The following DSCAM variants were observed in gnomAD, a reference collection of about 807,000 sequenced individuals.
DSCAM encodes the protein cell adhesion molecule DSCAM.
Under a neutral mutation model 217.7 loss-of-function variants are expected in DSCAM, and 47 were observed. That is an observed-to-expected ratio of 0.22 (90% CI 0.17 to 0.28). The LOEUF (loss-of-function observed/expected upper bound fraction) is 0.28. DSCAM is among the 10% of genes least tolerant of loss of function. The probability of loss-of-function intolerance (pLI) is 1.00; values close to 1 mark genes in which losing one functional copy is unlikely to be tolerated. For synonymous variants in DSCAM, 1,056 were observed against 1,015.3 expected (o/e 1.04, Z -0.76); for missense variants, 2,080 against 2,618.3 (o/e 0.79, Z 4.49).
intron 1 of DSCAM, among the ~76,000 whole-genome samples, chr21:40,783,706 G>T (rs1329816281): frequency 1.3e-5 from 2 of 152,162 alleles, no homozygotes; most frequent in Non-Finnish European, 2.9e-5. Context: ...TGGAACTCTT[G>T]GAAGACGCTT....
At chr21:40,048,690 G>A (rs1255732052) in intron 30 of DSCAM, among the ~76,000 whole-genome samples, 1 of 152,222 alleles carries the variant, frequency 6.6e-6, no homozygotes, top group East Asian at 1.9e-4. Flanking sequence ...GAATCACGAT[G>A]TGTTCTCTAG....
At chr21:40,710,762 A>T (rs1011807672) in intron 1 of DSCAM, among the ~76,000 whole-genome samples, 3 of 152,220 alleles carry the variant, frequency 2.0e-5, no homozygotes, top group African/African-American at 7.2e-5. Context: ...ATGAAGGCCT[A>T]CTTGTCACAC....
intron 8 of DSCAM, among the ~76,000 whole-genome samples, chr21:40,320,021 G>A (rs565832875): frequency 1.3e-5 from 2 of 152,262 alleles, no homozygotes; most frequent in Non-Finnish European, 2.9e-5. Flanking sequence ...GACACAGGGA[G>A]AGGAAGAAAG....
At chr21:40,666,273 C>T (rs1422370042) in intron 3 of DSCAM, among the ~76,000 whole-genome samples, 3 of 152,106 alleles carry the variant, frequency 2.0e-5, no homozygotes, top group Middle Eastern at 3.2e-3. Flanking sequence ...CATGCCCAGC[C>T]CTGAGATGAG....
chr21:40,598,496 T>TC (rs2077038253), intron 3 of DSCAM, among the ~76,000 whole-genome samples: 1 of 122,846 alleles, frequency 8.1e-6, no homozygotes, highest in Non-Finnish European at 1.7e-5. Context: ...ACTGCCAAAC[T>TC]GTTTTTTTTT....
intron 11 of DSCAM, among the ~76,000 whole-genome samples, chr21:40,220,256 T>A (rs1459012045): frequency 6.6e-6 from 1 of 152,172 alleles, no homozygotes; most frequent in African/African-American, 2.4e-5. Flanking sequence ...CAGCTACCTC[T>A]TTCTCCATGA....
intron 3 of DSCAM, among the ~76,000 whole-genome samples, chr21:40,429,860 G>T (rs991720775): frequency 1.3e-5 from 2 of 152,098 alleles, no homozygotes; most frequent in Non-Finnish European, 2.9e-5. Flanking sequence ...ATTCCAGATG[G>T]TGAGATGCAA....
At position 40,213,219 on chromosome 21, in the gene DSCAM, C is replaced by T. The variant is rs549951406; in HGVS notation, c.2357-23981G>A. Reference sequence around the variant, plus strand: ...TCACATTTTTAAACTTCATATTCCACGTTTTGCTTTATTTTGGGTATCAAG... The same window carrying T: ...TCACATTTTTAAACTTCATATTCCATGTTTTGCTTTATTTTGGGTATCAAG... On this transcript the variant is annotated intron_variant, in intron 11 of 32. Transcript: ENST00000400454. Among the ~76,000 whole-genome samples the T allele has an allele frequency of 1.9e-4, 29 of 152,302 alleles. No homozygotes were observed. The East Asian group carries it at 1.9e-3, about 10-fold the overall frequency.
At chr21:40,328,922 C>T (rs973084823) in intron 8 of DSCAM, among the ~76,000 whole-genome samples, 2 of 152,016 alleles carry the variant, frequency 1.3e-5, no homozygotes, top group South Asian at 2.1e-4. Flanking sequence ...TGCTCAACAT[C>T]GCTAATTATC....
intron 3 of DSCAM, among the ~76,000 whole-genome samples, chr21:40,437,170 C>A (rs573676752): frequency 1.3e-5 from 2 of 152,114 alleles, no homozygotes; most frequent in African/African-American, 2.4e-5. Context: ...TGATGGATGA[C>A]CTACAGGCGG....
chr21:40,172,200 C>T (rs1020001536), intron 15 of DSCAM, among the ~76,000 whole-genome samples: 3 of 152,134 alleles, frequency 2.0e-5, no homozygotes, highest in Non-Finnish European at 2.9e-5. Flanking sequence ...ACCCAGGAGG[C>T]GGAGGTTGTA....
At chr21:40,496,574 G>A (rs1330110510) in intron 3 of DSCAM, among the ~76,000 whole-genome samples, 2 of 152,008 alleles carry the variant, frequency 1.3e-5, no homozygotes, top group Non-Finnish European at 2.9e-5. Flanking sequence ...CAGGGGAAAG[G>A]CTCCATAATA....
At chr21:40,537,013 C>T (rs529790117) in intron 3 of DSCAM, among the ~76,000 whole-genome samples, 54 of 152,176 alleles carry the variant, frequency 3.5e-4, no homozygotes, top group African/African-American at 1.1e-3. Context: ...CCAAACTTTC[C>T]GGATGAAAAG....
intron 3 of DSCAM, among the ~76,000 whole-genome samples, chr21:40,561,015 T>C (rs1022990725): frequency 6.6e-6 from 1 of 152,198 alleles, no homozygotes; most frequent in Admixed American, 6.5e-5. Flanking sequence ...TTTATGAGGA[T>C]TACATTAAGT....
chr21:40,635,411 C>G (rs140390884), intron 3 of DSCAM, among the ~76,000 whole-genome samples: 1 of 151,886 alleles, frequency 6.6e-6, no homozygotes. Context: ...AAATTGCTAC[C>G]GAGGTAAAGA....
At chr21:40,309,447 TCTC>T (rs1334827843) in intron 9 of DSCAM, among the ~76,000 whole-genome samples, 1 of 152,186 alleles carries the variant, frequency 6.6e-6, no homozygotes, top group Admixed American at 6.6e-5. Context: ...CACTGGATTT[TCTC>T]CTCCTTTACA....
At chr21:40,603,855 T>G (rs2077081214) in intron 3 of DSCAM, among the ~76,000 whole-genome samples, 1 of 151,806 alleles carries the variant, frequency 6.6e-6, no homozygotes, top group African/African-American at 2.4e-5. Context: ...CTTGTTTCAA[T>G]ATTGTCTCTT....
chr21:40,357,138 C>A (rs1427645908), intron 4 of DSCAM, among the ~76,000 whole-genome samples: 2 of 152,124 alleles, frequency 1.3e-5, no homozygotes, highest in African/African-American at 2.4e-5. Context: ...GACTATAGGG[C>A]TCCAGAAGGC....
chr21:40,437,582 G>A (rs1373495407), intron 3 of DSCAM, among the ~76,000 whole-genome samples: 1 of 152,122 alleles, frequency 6.6e-6, no homozygotes, highest in Non-Finnish European at 1.5e-5. Flanking sequence ...CAGGGGTGGT[G>A]GCTCACACCT....
Sources: gnomAD v4.1 joint callset for allele counts (sites outside exome capture counted in the v4.1 genomes callset) on GRCh38, gnomAD v4.1.1 for gene constraint, MANE v1.5 for transcripts, NCBI Gene and HGNC (gene_info 2026-07-23, HGNC 2026-07-21) for gene names.